The following RIF1 variants were observed in gnomAD, a reference collection of about 807,000 sequenced individuals.
RIF1 encodes the protein telomere-associated protein RIF1.
In RIF1, 45 loss-of-function variants were observed where a neutral mutation model predicts 247.1. The observed-to-expected ratio is 0.18, with a 90% CI of 0.14 to 0.23. The LOEUF is 0.23. Ranked by LOEUF, RIF1 falls within the 10% of genes least tolerant of loss-of-function variation. RIF1 has a pLI of 1.00. For synonymous variants in RIF1, 1,087 were observed against 978.8 expected (o/e 1.11, Z -2.06); for missense variants, 2,967 against 2,862.5 (o/e 1.04, Z -0.83).
downstream of RIF1, among the ~76,000 whole-genome samples, chr2:151,509,437 G>T (rs1418087609): frequency 1.3e-5 from 2 of 151,874 alleles, no homozygotes; most frequent in African/African-American, 4.8e-5. Flanking sequence ...ACCTCAACTG[G>T]TTTGCAGAGC....
intron 9 of RIF1, among the ~76,000 whole-genome samples, chr2:151,430,502 A>G (rs1573944554): frequency 1.3e-5 from 2 of 150,764 alleles, no homozygotes; most frequent in Non-Finnish European, 3.0e-5. Context: ...TTGTATTTTC[A>G]GTAGAGACAA....
chr2:151,531,716 G>C, the RIF1 span: 1 of 1,162,808 alleles, frequency 8.6e-7, no homozygotes, highest in Admixed American at 2.0e-5. Context: ...CAGACTTTGT[G>C]ACAATTTAAA....
the RIF1 span, among the ~76,000 whole-genome samples, chr2:151,525,688 A>G: frequency 2.0e-5 from 3 of 152,158 alleles, no homozygotes; most frequent in African/African-American, 4.8e-5. Context: ...CTAATCAACA[A>G]TGTTTCCTTC....
At chr2:151,422,850 C>G (rs1180603915) in intron 7 of RIF1, 100 bp from the exon 8 acceptor site, 1 of 660,910 alleles carries the variant, frequency 1.5e-6, no homozygotes, top group African/African-American at 1.9e-5. Context: ...ATGGAGAAAA[C>G]TATTTGGTTG....
At chr2:151,492,068 A>G in intron 9 of RIF1, 1 of 1,606,706 alleles carries the variant, frequency 6.2e-7, no homozygotes, top group Non-Finnish European at 8.5e-7. Context: ...ACTTAAAGTT[A>G]ATCCCCTCCC....
chr2:151,528,208 T>C, the RIF1 span, among the ~76,000 whole-genome samples: 26 of 152,298 alleles, frequency 1.7e-4, no homozygotes, highest in African/African-American at 2.6e-4. Context: ...ACTGGCTGCA[T>C]TGGGCCAAAT....
intron 3 of RIF1, among the ~76,000 whole-genome samples, chr2:151,411,996 T>G (rs551314081): frequency 5.3e-5 from 8 of 152,360 alleles, no homozygotes; most frequent in African/African-American, 2.4e-5. Flanking sequence ...TTCTTTCCTT[T>G]TGGGAATCTA....
chr2:151,517,671 G>A, the RIF1 span, among the ~76,000 whole-genome samples: 11 of 152,290 alleles, frequency 7.2e-5, no homozygotes, highest in South Asian at 2.3e-3. Flanking sequence ...TCCTAGGCTA[G>A]AAACCTGTAC....
chr2:151,446,389 A>G, intron 19 of RIF1, 37 bp from the exon 20 acceptor site: 1 of 1,579,614 alleles, frequency 6.3e-7, no homozygotes, highest in Admixed American at 1.7e-5. Context: ...AGATAGGTAT[A>G]TATTAACAAA....
intron 11 of RIF1, among the ~76,000 whole-genome samples, chr2:151,501,036 G>C (rs147336598): frequency 1.3e-5 from 2 of 152,118 alleles, no homozygotes; most frequent in African/African-American, 4.8e-5. Flanking sequence ...TTCAAGTCCA[G>C]TATCTTTTCT....
rs200447256 is a variant in RIF1, at chr2:151,436,843, C to T, written c.1212C>T (p.Tyr404=). The T allele has an allele frequency of 1.1e-4, 175 of 1,599,360 alleles. No homozygotes were observed. The highest frequency in any genetic ancestry group is 1.4e-4 in the Non-Finnish European group (164 of 1,173,880). ...TPVHKGASSP[Y]GAPGTPRMNL... ...TTCTTAAAGGTGCTTCCTCCCCGTA[C>T]GGAGCCCCGGGAACTCCCCGAATGA... The change falls in exon 12 of 36, where the codon TAC becomes TAT. Residue 404 remains tyrosine (Y), a synonymous_variant. Coordinates refer to ENST00000444746, the MANE Select transcript of RIF1 (RefSeq NM_018151.5).
At chr2:151,446,018 T>C (rs564762199) in intron 19 of RIF1, among the ~76,000 whole-genome samples, 1 of 152,168 alleles carries the variant, frequency 6.6e-6, no homozygotes, top group Non-Finnish European at 1.5e-5. Context: ...TAGTCTCTTT[T>C]TTATTTTGAG....
chr2:151,491,748 C>A, intron 9 of RIF1: 1 of 1,594,894 alleles, frequency 6.3e-7, no homozygotes, highest in Non-Finnish European at 8.5e-7. Context: ...AAAAACCGAA[C>A]CAGGATTAGT....
At chr2:151,473,409 C>T (rs1292668107) in intron 34 of RIF1, among the ~76,000 whole-genome samples, 2 of 151,258 alleles carry the variant, frequency 1.3e-5, no homozygotes, top group African/African-American at 4.9e-5. Context: ...AGTTCTCCTG[C>T]CTCAGCCTCC....
chr2:151,501,029 A>AAGTC (rs552393379), intron 11 of RIF1, among the ~76,000 whole-genome samples: 24 of 152,300 alleles, frequency 1.6e-4, no homozygotes, highest in Admixed American at 5.2e-4. Context: ...ATGTGGCTTC[A>AAGTC]AGTCCAGTAT....
At chr2:151,440,505 A>C (rs1368750066) in intron 15 of RIF1, among the ~76,000 whole-genome samples, 1 of 152,206 alleles carries the variant, frequency 6.6e-6, no homozygotes, top group East Asian at 1.9e-4. Context: ...AACCAAGATA[A>C]TGACTTTGGT....
intron 10 of RIF1, chr2:151,496,371 G>A: frequency 2.5e-6 from 4 of 1,603,998 alleles, no homozygotes; most frequent in South Asian, 1.1e-5. Context: ...TATAACACCT[G>A]TGCGATGAGA....
intron 7 of RIF1, among the ~76,000 whole-genome samples, chr2:151,422,218 C>T (rs1428056634): frequency 3.3e-5 from 5 of 151,936 alleles, no homozygotes; most frequent in Non-Finnish European, 7.4e-5. Context: ...AATTATTTCA[C>T]GTGTCTGTTG....
At chr2:151,507,858 A>G in exon 14 of RIF1, 2 of 626,778 alleles carry the variant, frequency 3.2e-6, no homozygotes, top group Non-Finnish European at 5.7e-6. Context: ...GAGCCCAGAG[A>G]TGAATTGGGC....
Sources: gnomAD v4.1 joint callset for allele counts (sites outside exome capture counted in the v4.1 genomes callset) on GRCh38, gnomAD v4.1.1 for gene constraint, MANE v1.5 for transcripts, NCBI Gene and HGNC (gene_info 2026-07-23, HGNC 2026-07-21) for gene names.